The following EXD1 variants were observed in gnomAD, a reference collection of about 807,000 sequenced individuals.
EXD1 encodes the protein piRNA biogenesis protein EXD1.
In EXD1, 63 loss-of-function variants were observed where a neutral mutation model predicts 49.1. The observed-to-expected ratio is 1.28, with a 90% CI of 1.05 to 1.58. The LOEUF (loss-of-function observed/expected upper bound fraction) is 1.58, where lower values mean the gene tolerates loss of function less well. EXD1 is among the 40% of genes most tolerant of loss of function. The pLI is 0.00. For synonymous variants in EXD1, 234 were observed against 239.2 expected (o/e 0.98, Z 0.20); for missense variants, 748 against 666.0 (o/e 1.12, Z -1.36).
chr15:41,202,180 A>T (rs1170711844), intron 7 of EXD1, among the ~76,000 whole-genome samples: 18 of 149,296 alleles, frequency 1.2e-4, no homozygotes, highest in African/African-American at 3.2e-4. Context: ...TTTTTAATTT[A>T]ATTTTATTTT....
At chr15:41,215,522 T>C (rs1176442846) in intron 6 of EXD1, among the ~76,000 whole-genome samples, 1 of 151,848 alleles carries the variant, frequency 6.6e-6, no homozygotes, top group Non-Finnish European at 1.5e-5. Flanking sequence ...CTGTCTTTAC[T>C]AAAAATACAA....
chr15:41,193,470 T>A (rs987622717), intron 9 of EXD1, among the ~76,000 whole-genome samples: 12 of 152,094 alleles, frequency 7.9e-5, no homozygotes, highest in African/African-American at 2.9e-4. Flanking sequence ...CCTGGCATGT[T>A]GGCTCACACC....
chr15:41,225,276 T>A (rs2140908489), intron 2 of EXD1, among the ~76,000 whole-genome samples: 1 of 152,270 alleles, frequency 6.6e-6, no homozygotes, highest in African/African-American at 2.4e-5. Flanking sequence ...TATTTTTAAT[T>A]TCAAATGCAT....
In EXD1 at chr15:41,217,529, C is replaced by CTT. The variant is rs3033817; in HGVS notation, c.203-377_203-376dup. ...ACATGGGTGCTGTTTGAGGGTTTTC[C>CTT]TTTTTTTTTTTTTTTTTTTGAGATG... On this transcript the variant is annotated intron_variant, in intron 3 of 11. Coordinates refer to ENST00000458580, the MANE Select transcript of EXD1 (RefSeq NM_001286441.2). Among the ~76,000 whole-genome samples the CTT allele has an allele frequency of 3.2e-3, 402 of 127,090 alleles. 11 individuals carry two copies. Among genetic ancestry groups the CTT allele is most frequent in the South Asian group, 0.011 (44 of 4,032 alleles). The allele number at this position is 127,090 out of a possible 152,430, so 83.4% of individuals were successfully genotyped here.
rs770550737 is a variant in EXD1 at position 41,226,751 on chromosome 15, T to C, written c.-53-123A>G. 793 of 805,396 alleles carry C rather than the reference T, an allele frequency of 9.8e-4. 1 individual carries two copies. Among genetic ancestry groups the C allele is most frequent in the Non-Finnish European group, 9.4e-4 (526 of 558,698 alleles). The allele number at this position is 805,396 out of a possible 1,614,324, so 49.9% of individuals were successfully genotyped here. The stretch of plus-strand genomic sequence containing the variant: ...CTGAATAATTCAGTTTTGTTCATCT[T>C]TTTGGAATGATGAGAAAAGGATCAT... On this transcript the variant is annotated intron_variant, in intron 1 of 11. Transcript: ENST00000458580.
At chr15:41,187,510 A>G (rs1001460083) in intron 11 of EXD1, among the ~76,000 whole-genome samples, 2 of 152,164 alleles carry the variant, frequency 1.3e-5, no homozygotes, top group Non-Finnish European at 2.9e-5. Context: ...AGATGACTGT[A>G]TATGTTTTAT....
intron 7 of EXD1, among the ~76,000 whole-genome samples, chr15:41,199,276 T>TG (rs2046668796): frequency 6.6e-6 from 1 of 151,890 alleles, no homozygotes; most frequent in Non-Finnish European, 1.5e-5. Context: ...AATATGGAGA[T>TG]GGGGTCTCCC....
chr15:41,187,020 C>G (rs1717196), intron 11 of EXD1, among the ~76,000 whole-genome samples: 77,633 of 151,216 alleles, frequency 0.51, 21,772 homozygotes, highest in African/African-American at 0.76. Flanking sequence ...GAGTAGCTGG[C>G]ATTACAGGCA....
chr15:41,224,608 G>GA (rs898776714), intron 2 of EXD1, among the ~76,000 whole-genome samples: 15 of 151,804 alleles, frequency 9.9e-5, no homozygotes, highest in African/African-American at 2.9e-4. Flanking sequence ...CATTAAATCA[G>GA]AAAAAAAATA....
At chr15:41,187,979 C>T (rs2046441502) in intron 11 of EXD1, among the ~76,000 whole-genome samples, 1 of 136,294 alleles carries the variant, frequency 7.3e-6, no homozygotes, top group Non-Finnish European at 1.5e-5. Flanking sequence ...CACACCACTT[C>T]ACTCCAGCCT....
At chr15:41,198,700 T>A (rs9972618) in intron 7 of EXD1, among the ~76,000 whole-genome samples, 2 of 149,168 alleles carry the variant, frequency 1.3e-5, no homozygotes, top group African/African-American at 2.5e-5. Flanking sequence ...ATTTTTTAAT[T>A]AAAAAAAATT....
At chr15:41,197,773 G>A (rs1004286870) in intron 7 of EXD1, among the ~76,000 whole-genome samples, 10 of 149,186 alleles carry the variant, frequency 6.7e-5, no homozygotes, top group East Asian at 2.0e-4. Flanking sequence ...ACAGGGACCC[G>A]CCACCACACC....
At chr15:41,219,060 CCTTA>C (rs2047048341) in intron 3 of EXD1, among the ~76,000 whole-genome samples, 1 of 151,948 alleles carries the variant, frequency 6.6e-6, no homozygotes, top group Admixed American at 6.6e-5. Context: ...CTGTACTCCT[CCTTA>C]AAGGGCAGAA....
At chr15:41,227,717 C>T (rs1420731518) in intron 1 of EXD1, among the ~76,000 whole-genome samples, 1 of 148,266 alleles carries the variant, frequency 6.7e-6, no homozygotes, top group East Asian at 2.0e-4. Flanking sequence ...TAGAAATGTA[C>T]AAAGTAAAGA....
At chr15:41,197,520 C>T (rs190296800) in intron 7 of EXD1, among the ~76,000 whole-genome samples, 6 of 151,504 alleles carry the variant, frequency 4.0e-5, no homozygotes, top group Admixed American at 1.3e-4. Context: ...TGAGCCACCA[C>T]GCCCGGCCAA....
Position 41,184,551 on chromosome 15 carries a change from C to T in EXD1, c.1099G>A (p.Asp367Asn), listed in dbSNP as rs757685485. 2.5e-6 allele frequency: 4 copies of T among 1,607,018 alleles called. No individual in the cohort carries two copies. Among genetic ancestry groups the T allele is most frequent in the East Asian group, 2.2e-5 (1 of 44,876 alleles). Residue 367 changes from aspartate to asparagine, a missense_variant, in exon 12 of 12, where the codon GAC becomes AAC. Asp to Asn is a conservative substitution (Grantham distance 23). Coordinates refer to ENST00000458580, the MANE Select transcript of EXD1 (RefSeq NM_001286441.2). ...ELPEELLQLK[D>N]FQKQRREKAA... ...TTCTCCCTGCGCTGCTTCTGGAAGT[C>T]CTTGAGTTGAAGCAGTTCCTCTGGC...
chr15:41,194,950 G>T (rs2046586805), intron 9 of EXD1, among the ~76,000 whole-genome samples: 2 of 152,094 alleles, frequency 1.3e-5, no homozygotes, highest in Admixed American at 6.6e-5. Flanking sequence ...AAAAATAATT[G>T]GCCAACTTAT....
At chr15:41,218,078 G>A (rs16971647) in intron 3 of EXD1, among the ~76,000 whole-genome samples, 24,534 of 152,046 alleles carry the variant, frequency 0.16, 3,646 homozygotes, top group African/African-American at 0.39. Flanking sequence ...AAAATTATGA[G>A]CAAAGCCTAT....
At chr15:41,205,879 C>CTTT (rs1224144639) in intron 7 of EXD1, among the ~76,000 whole-genome samples, 12 of 128,580 alleles carry the variant, frequency 9.3e-5, no homozygotes, top group Middle Eastern at 4.1e-3. Context: ...TAAATTTGGT[C>CTTT]TTTTTTTTTT....
Sources: gnomAD v4.1 joint callset for allele counts (sites outside exome capture counted in the v4.1 genomes callset) on GRCh38, gnomAD v4.1.1 for gene constraint, MANE v1.5 for transcripts, NCBI Gene and HGNC (gene_info 2026-07-23, HGNC 2026-07-21) for gene names.